The following CHAF1B variants were observed in gnomAD, a reference collection of about 807,000 sequenced individuals.
CHAF1B encodes the protein CAF-1 subunit B.
CHAF1B carries 10 observed loss-of-function variants against 60.7 expected under a neutral mutation model. The ratio of observed to expected loss-of-function variants is 0.16; its 90% CI spans 0.10 to 0.28. The LOEUF is 0.28. CHAF1B is among the 10% of genes least tolerant of loss of function. CHAF1B has a pLI of 1.00. For missense variants in CHAF1B, 558 were observed against 708.4 expected (o/e 0.79, Z 2.41); for synonymous variants, 261 against 266.1 (o/e 0.98, Z 0.19).
At chr21:36,399,683 T>TG in intron 7 of CHAF1B, 78 bp downstream of exon 7, 1 of 1,160,830 alleles carries the variant, frequency 8.6e-7, no homozygotes, top group Non-Finnish European at 1.3e-6. Flanking sequence ...CCCATACCCT[T>TG]GCAGCCAAAT....
chr21:36,398,500 C>T (rs1024327649), intron 6 of CHAF1B, among the ~76,000 whole-genome samples: 1 of 152,118 alleles, frequency 6.6e-6, no homozygotes. Context: ...GCTGGGATTG[C>T]AAGTGTGTAC....
chr21:36,389,665 C>G (rs1438247872), intron 3 of CHAF1B, among the ~76,000 whole-genome samples: 1 of 146,124 alleles, frequency 6.8e-6, no homozygotes, highest in Non-Finnish European at 1.5e-5. Context: ...GAAACTATTA[C>G]AAAATAAAAC....
chr21:36,399,506 A>G lies in CHAF1B; in HGVS notation c.579-15A>G, dbSNP rs756935581. ...ATTTACTAGAAGTGGTAAATCAGAC[A>G]TGTTCTTTCTTCAGGGTGCTGCGAG... On this transcript the variant is annotated splice_polypyrimidine_tract_variant and intron_variant, in intron 6 of 13. Transcript: ENST00000314103. The G allele has an allele frequency of 4.3e-6, 7 of 1,609,478 alleles. No individual in the cohort carries two copies. The South Asian group carries it at 6.6e-5, about 15-fold the overall frequency.
intron 4 of CHAF1B, among the ~76,000 whole-genome samples, chr21:36,392,286 T>G (rs2086096014): frequency 6.6e-6 from 1 of 152,222 alleles, no homozygotes; most frequent in Non-Finnish European, 1.5e-5. Context: ...AGAATTTTTC[T>G]TAGTACAGAA....
At chr21:36,411,329 G>A in intron 10 of CHAF1B, 134 bp from the exon 11 acceptor site, 1 of 1,017,282 alleles carries the variant, frequency 9.8e-7, no homozygotes, top group South Asian at 1.5e-5. Flanking sequence ...GCTTAGGCAG[G>A]TCTCAAACTC....
At chr21:36,408,523 C>T (rs1668464613) in intron 8 of CHAF1B, among the ~76,000 whole-genome samples, 1 of 152,152 alleles carries the variant, frequency 6.6e-6, no homozygotes, top group African/African-American at 2.4e-5. Flanking sequence ...AGAACCAGGT[C>T]CCCGGGGATT....
intron 3 of CHAF1B, 130 bp from the exon 4 acceptor site, chr21:36,391,421 G>A (rs1361545394): frequency 1.6e-5 from 8 of 493,146 alleles, no homozygotes; most frequent in East Asian, 3.9e-5. Context: ...CCAAGATTGC[G>A]CCACTGCACT....
intron 10 of CHAF1B, among the ~76,000 whole-genome samples, chr21:36,411,008 G>A (rs1174368734): frequency 6.6e-6 from 1 of 151,886 alleles, no homozygotes; most frequent in African/African-American, 2.4e-5. Context: ...TCTCCTCATT[G>A]TGGGTCATAT....
At chr21:36,397,719 C>CTTT (rs397866716) in intron 6 of CHAF1B, 13 of 133,906 alleles carry the variant, frequency 9.7e-5, no homozygotes, top group African/African-American at 3.2e-4. Context: ...CTTAGTAAAT[C>CTTT]TTTTTTTTTT....
At chr21:36,399,921 G>A (rs1391981966) in intron 7 of CHAF1B, among the ~76,000 whole-genome samples, 1 of 152,218 alleles carries the variant, frequency 6.6e-6, no homozygotes, top group Non-Finnish European at 1.5e-5. Flanking sequence ...GCTCATGACT[G>A]GAATCCCAGC....
At chr21:36,391,483 A>T in intron 3 of CHAF1B, 68 bp from the exon 4 acceptor site, 14 of 950,350 alleles carry the variant, frequency 1.5e-5, no homozygotes, top group Non-Finnish European at 2.1e-5. Context: ...AAAAAAAATG[A>T]AAATAAAAAT....
At chr21:36,405,312 T>C (rs1207991818) in intron 8 of CHAF1B, among the ~76,000 whole-genome samples, 2 of 152,122 alleles carry the variant, frequency 1.3e-5, no homozygotes, top group Non-Finnish European at 1.5e-5. Context: ...TATTATAAAA[T>C]ATATAAAAAT....
chr21:36,415,274 CTTT>C lies in CHAF1B; in HGVS notation c.1494-11_1494-9del, dbSNP rs752443347. On this transcript the variant is annotated intron_variant, in intron 12 of 13. Coordinates refer to ENST00000314103, the MANE Select transcript of CHAF1B (RefSeq NM_005441.3). Reference sequence around the variant, plus strand: ...ATACTAATGAGCCATCACCCCTCTACTTTTTTTTTTTTAAATCAAGGAGAATAA... The same window carrying C: ...ATACTAATGAGCCATCACCCCTCTACTTTTTTTTTAAATCAAGGAGAATAA... 13 of 1,217,388 alleles carry C rather than the reference CTTT, an allele frequency of 1.1e-5. No individual in the cohort carries two copies. Among genetic ancestry groups the C allele is most frequent in the Non-Finnish European group, 1.2e-5 (10 of 859,356 alleles). The allele number at this position is 1,217,388 out of a possible 1,614,324, so 75.4% of individuals were successfully genotyped here. A position where few individuals can be genotyped will look rare whatever the true frequency, so the allele number is the denominator to read the frequency against.
Position 36,397,500 on chromosome 21 carries a change from G to T in CHAF1B, c.567G>T (p.Leu189=). 6.6e-7 allele frequency: 1 copy of T among 1,520,262 alleles called. No individual in the cohort carries two copies. The highest frequency in any genetic ancestry group is 1.4e-5 in the African/African-American group (1 of 72,768). The allele number at this position is 1,520,262 out of a possible 1,614,324, so 94.2% of individuals were successfully genotyped here. Residue 189 remains leucine, a synonymous_variant, in exon 6 of 14, where the codon CTG becomes CTT. Transcript: ENST00000314103. ...WDPLGQYVAT[L]SCDRVLRVYS... ...CTTTGGGTCAATATGTTGCTACTCTGAGCTGTGACAGGTAAATTCAGCTTT... is the reference window on the plus strand; with the variant it reads ...CTTTGGGTCAATATGTTGCTACTCTTAGCTGTGACAGGTAAATTCAGCTTT...
chr21:36,390,257 C>T (rs1439686387), intron 3 of CHAF1B, among the ~76,000 whole-genome samples: 2 of 146,918 alleles, frequency 1.4e-5, no homozygotes, highest in South Asian at 2.2e-4. Context: ...CGCCTGAACC[C>T]GGGAGGCGAA....
At chr21:36,403,451 T>C (rs1309094973) in intron 8 of CHAF1B, among the ~76,000 whole-genome samples, 4 of 121,128 alleles carry the variant, frequency 3.3e-5, no homozygotes, top group Middle Eastern at 4.4e-3. Flanking sequence ...AGTGATATCT[T>C]ATCTAAAAAA....
At chr21:36,416,046 G>A (rs768339344) in intron 13 of CHAF1B, among the ~76,000 whole-genome samples, 5 of 152,084 alleles carry the variant, frequency 3.3e-5, no homozygotes, top group East Asian at 1.9e-4. Context: ...GAGCCACCGC[G>A]CCCAGCTTGC....
intron 7 of CHAF1B, among the ~76,000 whole-genome samples, chr21:36,400,807 C>T (rs904249644): frequency 6.6e-6 from 1 of 152,144 alleles, no homozygotes; most frequent in African/African-American, 2.4e-5. Context: ...AAAATAGGAC[C>T]CTTTTTGTAA....
At position 36,388,388 on chromosome 21, in the gene CHAF1B, G is replaced by A. The variant is rs760428304; in HGVS notation, c.259+658G>A. Among the ~76,000 whole-genome samples the A allele has an allele frequency of 3.2e-4, 48 of 151,948 alleles. 1 individual carries two copies. The highest frequency in any genetic ancestry group is 1.6e-4 in the Non-Finnish European group (11 of 68,010). ...TTGGATTGTTAGTTTAACATCTGTG[G>A]TGATCAGAGTCAGTTCTGTGTCTCT... On this transcript the variant is annotated intron_variant, in intron 3 of 13. Coordinates refer to ENST00000314103, the MANE Select transcript of CHAF1B (RefSeq NM_005441.3).
Sources: allele counts gnomAD v4.1 joint callset (sites outside exome capture counted in the v4.1 genomes callset), GRCh38; gene constraint gnomAD v4.1.1; transcripts MANE v1.5; gene names NCBI Gene and HGNC (gene_info 2026-07-23, HGNC 2026-07-21).